The following SIPA1L1 variants were observed in gnomAD, a reference collection of about 807,000 sequenced individuals.
SIPA1L1 encodes the protein signal induced proliferation associated 1 like 1.
SIPA1L1 carries 26 observed loss-of-function variants against 162.7 expected under a neutral mutation model. The observed-to-expected ratio is 0.16, with a 90% confidence interval of 0.12 to 0.22. The LOEUF (loss-of-function observed/expected upper bound fraction) is 0.22, where lower values mean the gene tolerates loss of function less well. SIPA1L1 is among the 10% of genes least tolerant of loss of function. The probability of loss-of-function intolerance (pLI) is 1.00; values close to 1 mark genes in which losing one functional copy is unlikely to be tolerated. For missense variants in SIPA1L1, 1,874 were observed against 2,241.0 expected, an observed-to-expected ratio of 0.84 and a Z score of 3.31; for synonymous variants, 829 against 837.4, an observed-to-expected ratio of 0.99 and a Z score of 0.17.
chr14:71,395,686 T>G (rs2041132816), intron 2 of SIPA1L1, among the ~76,000 whole-genome samples: 1 of 152,162 alleles, frequency 6.6e-6, no homozygotes, highest in Non-Finnish European at 1.5e-5. Context: ...CTGGTCCTGC[T>G]GTAGACCACA....
intron 2 of SIPA1L1, among the ~76,000 whole-genome samples, chr14:71,470,847 T>G (rs2047395178): frequency 1.3e-5 from 2 of 152,118 alleles, no homozygotes; most frequent in Non-Finnish European, 2.9e-5. Flanking sequence ...TGTTTTGTTT[T>G]GTTTTTTTAA....
At position 71,466,595 on chromosome 14, in the gene SIPA1L1, AAC is replaced by A. The variant is rs1160365267; in HGVS notation, c.-464-46146_-464-46145del. On this transcript the variant is annotated intron_variant, in intron 2 of 23. Transcript: ENST00000381232. ...GAGCCATACTGAAAAAAAAAAAAAA[AAC>A]AGTAATAAAATTCACTGTGTTCTAA... 3.9e-5 allele frequency among the ~76,000 whole-genome samples: 6 copies of A among 152,104 alleles called. No individual in the cohort carries two copies. The East Asian group carries it at 9.6e-4, about 24-fold the overall frequency.
chr14:71,650,819 G>T (rs779916548), intron 8 of SIPA1L1, among the ~76,000 whole-genome samples: 1 of 152,136 alleles, frequency 6.6e-6, no homozygotes, highest in African/African-American at 2.4e-5. Context: ...CCAAATGTTA[G>T]GGTGATTAAA....
intron 14 of SIPA1L1, among the ~76,000 whole-genome samples, chr14:71,702,032 T>C (rs2082131398): frequency 6.6e-6 from 1 of 152,244 alleles, no homozygotes; most frequent in Non-Finnish European, 1.5e-5. Context: ...GTGAACTTTT[T>C]CTTTTGGCTG....
chr14:71,431,955 A>AT (rs1186354775), intron 2 of SIPA1L1, among the ~76,000 whole-genome samples: 1 of 152,198 alleles, frequency 6.6e-6, no homozygotes, highest in Non-Finnish European at 1.5e-5. Context: ...TCAACAGAGT[A>AT]TAGACAGCCG....
rs376662334 is a variant in SIPA1L1 at position 71,556,419 on chromosome 14, A to G, written c.-303+27049A>G. Among the ~76,000 whole-genome samples the G allele has an allele frequency of 4.7e-4, 72 of 152,250 alleles. 1 individual carries two copies. The highest frequency in any genetic ancestry group is 1.6e-3 in the African/African-American group (67 of 41,550). On this transcript the variant is annotated intron_variant, in intron 4 of 23. Coordinates refer to ENST00000381232, the MANE Select transcript of SIPA1L1 (RefSeq NM_001386936.1). ...CCACCCTAAGATAGTGTCAGATTCC[A>G]CAGGTTGGGGGCTCAGTCCCCAAGA...
chr14:71,515,918 A>G (rs2051680929), intron 3 of SIPA1L1, among the ~76,000 whole-genome samples: 1 of 152,244 alleles, frequency 6.6e-6, no homozygotes, highest in South Asian at 2.1e-4. Flanking sequence ...CTGGGATTAC[A>G]GGCGTGAGCC....
intron 12 of SIPA1L1, among the ~76,000 whole-genome samples, chr14:71,684,301 A>G (rs2046073158): frequency 6.6e-6 from 1 of 152,256 alleles, no homozygotes; most frequent in African/African-American, 2.4e-5. Flanking sequence ...TGAGATATGT[A>G]GACAAGGTCA....
At chr14:71,412,756 T>G (rs1375162215) in intron 2 of SIPA1L1, among the ~76,000 whole-genome samples, 1 of 152,234 alleles carries the variant, frequency 6.6e-6, no homozygotes, top group Non-Finnish European at 1.5e-5. Context: ...GAACAGAGTT[T>G]GGCAATTACA....
chr14:71,569,872 C>T (rs1362672690), intron 4 of SIPA1L1, among the ~76,000 whole-genome samples: 1 of 152,220 alleles, frequency 6.6e-6, no homozygotes, highest in African/African-American at 2.4e-5. Context: ...ATGGATTCGC[C>T]TCTTTCCTGC....
chr14:71,343,542 T>C (rs919469942), intron 2 of SIPA1L1, among the ~76,000 whole-genome samples: 17 of 152,106 alleles, frequency 1.1e-4, no homozygotes, highest in African/African-American at 4.1e-4. Context: ...ATTTGGAAAA[T>C]ACAGGAAAGT....
At chr14:71,687,894 C>T (rs1359045802) in intron 13 of SIPA1L1, among the ~76,000 whole-genome samples, 1 of 152,104 alleles carries the variant, frequency 6.6e-6, no homozygotes, top group Non-Finnish European at 1.5e-5. Flanking sequence ...GAAAATTTAA[C>T]CTCTACTCAC....
At chr14:71,481,276 A>G (rs2048333217) in intron 2 of SIPA1L1, among the ~76,000 whole-genome samples, 1 of 152,120 alleles carries the variant, frequency 6.6e-6, no homozygotes, top group South Asian at 2.1e-4. Context: ...CTCACGAGTC[A>G]GAGACCAGCC....
At chr14:71,383,430 G>A (rs1468302469) in intron 2 of SIPA1L1, among the ~76,000 whole-genome samples, 3 of 152,272 alleles carry the variant, frequency 2.0e-5, no homozygotes, top group South Asian at 4.1e-4. Context: ...TCTGTGTGAA[G>A]GTTTTAAGCA....
At chr14:71,394,218 T>C (rs1157172294) in intron 2 of SIPA1L1, among the ~76,000 whole-genome samples, 1 of 152,232 alleles carries the variant, frequency 6.6e-6, no homozygotes, top group African/African-American at 2.4e-5. Context: ...CTTTCTCTCA[T>C]AGCTTCTGGC....
chr14:71,412,290 A>G (rs1423937235), intron 2 of SIPA1L1, among the ~76,000 whole-genome samples: 3 of 152,232 alleles, frequency 2.0e-5, no homozygotes, highest in African/African-American at 4.8e-5. Context: ...TCCTTAAAAC[A>G]TTATGAGACT....
At chr14:71,540,768 G>A (rs1485681838) in intron 4 of SIPA1L1, among the ~76,000 whole-genome samples, 2 of 152,288 alleles carry the variant, frequency 1.3e-5, no homozygotes, top group African/African-American at 2.4e-5. Context: ...AAATCATGTA[G>A]TGTTTTAAAA....
chr14:71,506,209 G>A (rs1053397978), intron 2 of SIPA1L1, among the ~76,000 whole-genome samples: 5 of 152,076 alleles, frequency 3.3e-5, no homozygotes, highest in African/African-American at 1.2e-4. Flanking sequence ...CTTGTTTCCA[G>A]ATTATTTGTG....
At position 71,733,613 on chromosome 14, in the gene SIPA1L1, A is replaced by G. The variant is rs2085006617; in HGVS notation, c.4862-53A>G. On this transcript the variant is annotated intron_variant, in intron 20 of 23. Transcript: ENST00000381232. ...GGTAACAGGAAAGAGGTAAGTTTTG[A>G]GTGGCTCTTCCACAGGCACAAGAAG... The G allele has an allele frequency of 1.9e-6, 3 of 1,580,358 alleles. No individual in the cohort carries two copies. The Admixed American group carries it at 5.2e-5, about 27-fold the overall frequency.
Sources: gnomAD v4.1 joint callset for allele counts (sites outside exome capture counted in the v4.1 genomes callset) on GRCh38, gnomAD v4.1.1 for gene constraint, MANE v1.5 for transcripts, NCBI Gene and HGNC (gene_info 2026-07-23, HGNC 2026-07-21) for gene names.